The following COQ10B variants were observed in gnomAD, a reference collection of about 807,000 sequenced individuals.
COQ10B encodes coenzyme Q-binding protein COQ10 homolog B, mitochondrial.
COQ10B carries 12 observed loss-of-function variants against 27.6 expected under a neutral mutation model. That is an observed-to-expected ratio of 0.43 (90% CI 0.28 to 0.70). COQ10B has a LOEUF of 0.70. COQ10B is among the 30% of genes least tolerant of loss of function. The pLI, the probability that COQ10B is intolerant of heterozygous loss-of-function variation, is 0.17. For missense variants in COQ10B, 278 were observed against 288.7 expected (o/e 0.96, Z 0.27); for synonymous variants, 115 against 103.0 (o/e 1.12, Z -0.71).
chr2:197,470,322 A>C, intron 4 of COQ10B, 151 bp downstream of exon 4: 1 of 570,844 alleles, frequency 1.8e-6, no homozygotes, highest in Non-Finnish European at 3.1e-6. Flanking sequence ...TATTTCTTGC[A>C]ACCTTGAATA....
intron 4 of COQ10B, among the ~76,000 whole-genome samples, chr2:197,471,803 G>A (rs1424862824): frequency 6.6e-6 from 1 of 152,026 alleles, no homozygotes; most frequent in Non-Finnish European, 1.5e-5. Context: ...TTAGCCGGGT[G>A]TGGTGGTGCA....
intron 1 of COQ10B, chr2:197,454,093 A>G (rs890149245): frequency 2.9e-5 from 45 of 1,550,574 alleles, no homozygotes; most frequent in Non-Finnish European, 3.9e-5. Flanking sequence ...AGATGGTCAG[A>G]TGCGTTTTCC....
chr2:197,462,877 T>A, intron 3 of COQ10B, 146 bp downstream of exon 3: 1 of 512,114 alleles, frequency 2.0e-6, no homozygotes, highest in Non-Finnish European at 3.4e-6. Flanking sequence ...CTGTGTTACT[T>A]TATACAATGT....
In COQ10B at chr2:197,453,660, G is replaced by C; in HGVS notation, c.100G>C (p.Gly34Arg). ...CGGGGCGCAGGCGCCCGTGCGGAAT[G>C]GCAGGTAATCAACAGCGGGGGCGCT... is the stretch of plus-strand genomic sequence containing the variant. ...AAGAQAPVRNGRYLASCGILM... is the reference protein window; with the variant it reads ...AAGAQAPVRNRRYLASCGILM... The change falls in exon 1 of 5, where the codon GGC becomes CGC. Residue 34 changes from glycine to arginine, a missense_variant. Coordinates refer to ENST00000263960, the MANE Select transcript of COQ10B (RefSeq NM_025147.5). The C allele has an allele frequency of 5.0e-6, 8 of 1,613,322 alleles. No individual in the cohort carries two copies. The highest frequency in any genetic ancestry group is 6.8e-6 in the Non-Finnish European group (8 of 1,179,446).
At chr2:197,458,830 G>C (rs1435614782) in intron 1 of COQ10B, among the ~76,000 whole-genome samples, 1 of 151,934 alleles carries the variant, frequency 6.6e-6, no homozygotes, top group African/African-American at 2.4e-5. Context: ...ACAGGCGCCT[G>C]CCACCACACT....
chr2:197,471,115 ATTT>A (rs1033356506), intron 4 of COQ10B, among the ~76,000 whole-genome samples: 2 of 151,870 alleles, frequency 1.3e-5, no homozygotes, highest in African/African-American at 4.8e-5. Flanking sequence ...TATTTTTTTC[ATTT>A]TTTTGCATCT....
Position 197,473,959 on chromosome 2 carries a change from T to A in COQ10B, c.*35T>A, listed in dbSNP as rs1368914232. The A allele has an allele frequency of 4.9e-6, 7 of 1,432,672 alleles. No individual in the cohort carries two copies. Among genetic ancestry groups the A allele is most frequent in the African/African-American group, 4.3e-5 (3 of 69,142 alleles). 88.7% of individuals were successfully genotyped at this position (1,432,672 alleles called of 1,614,324 possible). ...AGAACTGGTGCCACCTGCTTCTGAC[T>A]TTAGTTTGTTCACTTTTAGGAAGTA... is the stretch of plus-strand genomic sequence containing the variant. On this transcript the variant is annotated 3_prime_UTR_variant, in exon 5 of 5. Coordinates refer to ENST00000263960, the MANE Select transcript of COQ10B (RefSeq NM_025147.5).
chr2:197,456,815 A>G, intron 1 of COQ10B, among the ~76,000 whole-genome samples: 1 of 152,044 alleles, frequency 6.6e-6, no homozygotes, highest in East Asian at 1.9e-4. Context: ...ATCTTAGAAC[A>G]GAGGATACTA....
At chr2:197,462,482 C>A (rs1370269270) in intron 2 of COQ10B, 57 bp from the exon 3 acceptor site, 2 of 844,982 alleles carry the variant, frequency 2.4e-6, no homozygotes, top group Non-Finnish European at 3.7e-6. Context: ...TTAAAGTATG[C>A]ATATATTATA....
intron 1 of COQ10B, among the ~76,000 whole-genome samples, chr2:197,457,537 A>T (rs1204408881): frequency 6.6e-6 from 1 of 152,110 alleles, no homozygotes; most frequent in Non-Finnish European, 1.5e-5. Flanking sequence ...ATGAAGTGTT[A>T]TTTATAGCTG....
chr2:197,459,897 T>C (rs1334440395), intron 1 of COQ10B, 35 bp from the exon 2 acceptor site: 3 of 1,506,778 alleles, frequency 2.0e-6, no homozygotes, highest in Non-Finnish European at 2.7e-6. Flanking sequence ...TAATTTTTAC[T>C]GTCACTCTAA....
chr2:197,461,051 G>A (rs1461487307), intron 2 of COQ10B, among the ~76,000 whole-genome samples: 3 of 152,094 alleles, frequency 2.0e-5, no homozygotes, highest in East Asian at 1.9e-4. Context: ...AGTGCATTTC[G>A]TTAATTTTAC....
chr2:197,459,840 A>C (rs1464602876), intron 1 of COQ10B, 92 bp from the exon 2 acceptor site: 4 of 947,632 alleles, frequency 4.2e-6, no homozygotes, highest in Non-Finnish European at 6.1e-6. Context: ...GCAAAGCCTT[A>C]CAAAGTGGAT....
chr2:197,467,068 T>C (rs2085831861), intron 3 of COQ10B, among the ~76,000 whole-genome samples: 1 of 151,524 alleles, frequency 6.6e-6, no homozygotes, highest in South Asian at 2.1e-4. Flanking sequence ...TGCCTCAGCC[T>C]CCTGAGTAGC....
chr2:197,470,291 A>G, intron 4 of COQ10B, 120 bp downstream of exon 4: 1 of 590,964 alleles, frequency 1.7e-6, no homozygotes, highest in Non-Finnish European at 3.0e-6. Context: ...ATAAATGCTA[A>G]TGAACATTTC....
chr2:197,456,929 G>A (rs1221892314), intron 1 of COQ10B, among the ~76,000 whole-genome samples: 1 of 151,622 alleles, frequency 6.6e-6, no homozygotes, highest in African/African-American at 2.4e-5. Context: ...GTCTGTACCC[G>A]CGATTTCCCA....
At chr2:197,459,747 TG>T (rs1192320964) in intron 1 of COQ10B, among the ~76,000 whole-genome samples, 184 bp from the exon 2 acceptor site, 1 of 152,016 alleles carries the variant, frequency 6.6e-6, no homozygotes, top group African/African-American at 2.4e-5. Context: ...CTGTTATTTT[TG>T]TTTTTTTTTT....
In COQ10B at chr2:197,474,079, A is replaced by G. The variant is rs2085923383; in HGVS notation, c.*155A>G. On this transcript the variant is annotated 3_prime_UTR_variant, in exon 5 of 5. Coordinates refer to ENST00000263960, the MANE Select transcript of COQ10B (RefSeq NM_025147.5). ...TTGAAAATTTGCACATAGAATATAG[A>G]CTCACTTGTACATAGAATTATTTCT... 7 of 428,982 alleles carry G rather than the reference A, an allele frequency of 1.6e-5. No individual in the cohort carries two copies. The East Asian group carries it at 2.5e-4, about 15-fold the overall frequency. The allele number at this position is 428,982 out of a possible 1,614,324, so 26.6% of individuals were successfully genotyped here. A position where few individuals can be genotyped will look rare whatever the true frequency, so the allele number is the denominator to read the frequency against.
intron 1 of COQ10B, chr2:197,454,323 C>T: frequency 1.9e-6 from 1 of 514,956 alleles, no homozygotes; most frequent in African/African-American, 2.0e-5. Flanking sequence ...ACTTAGTTTC[C>T]TTTTACTAAT....
Sources: gnomAD v4.1 joint callset for allele counts (sites outside exome capture counted in the v4.1 genomes callset) on GRCh38, gnomAD v4.1.1 for gene constraint, MANE v1.5 for transcripts, NCBI Gene and HGNC (gene_info 2026-07-23, HGNC 2026-07-21) for gene names.